The following KDM2B variants were observed in gnomAD, a reference collection of about 807,000 sequenced individuals.
KDM2B encodes the protein lysine-specific demethylase 2B.
In KDM2B, 26 loss-of-function variants were observed where a neutral mutation model predicts 150.0. That is an observed-to-expected ratio of 0.17 (90% CI 0.13 to 0.24). KDM2B has a LOEUF of 0.24. KDM2B is among the 10% of genes least tolerant of loss of function. KDM2B has a pLI of 1.00. For synonymous variants in KDM2B, 734 were observed against 729.5 expected, an observed-to-expected ratio of 1.01 and a Z score of -0.10; for missense variants, 1,265 against 1,816.9, an observed-to-expected ratio of 0.70 and a Z score of 5.52.
chr12:121,516,358 A>G (rs1886190429), intron 9 of KDM2B: 5 of 599,794 alleles, frequency 8.3e-6, no homozygotes, highest in African/African-American at 2.0e-5. Context: ...AATGGAAACC[A>G]GCTGGGTGAA....
intron 11 of KDM2B, among the ~76,000 whole-genome samples, chr12:121,506,765 C>T (rs1885106595): frequency 6.6e-6 from 1 of 152,078 alleles, no homozygotes; most frequent in Admixed American, 6.6e-5. Context: ...TGAAGAAAAC[C>T]CATCTCTACT....
At chr12:121,492,747 T>A (rs1883491730) in intron 12 of KDM2B, among the ~76,000 whole-genome samples, 1 of 150,586 alleles carries the variant, frequency 6.6e-6, no homozygotes, top group Admixed American at 6.6e-5. Context: ...GAGAATCGCT[T>A]GAACTCCGGA....
At chr12:121,419,352 G>A in the KDM2B span, among the ~76,000 whole-genome samples, 5 of 152,156 alleles carry the variant, frequency 3.3e-5, no homozygotes, top group African/African-American at 4.8e-5. Flanking sequence ...TGACAAAATC[G>A]CCTAAGGACA....
Position 121,575,934 on chromosome 12 carries a change from G to T in KDM2B, c.272-75C>A. On this transcript the variant is annotated intron_variant, in intron 2 of 22. Transcript: ENST00000377071. This position sits in a 1 kb window ranked among gnomAD's most constrained non-coding sequence, Gnocchi z 4.4. ...AATGAACCGGGATCTGTTGGTTAGGGGAAGAAAACTGATGGACGAAGGGGC... is the reference window on the plus strand; with the variant it reads ...AATGAACCGGGATCTGTTGGTTAGGTGAAGAAAACTGATGGACGAAGGGGC... 1 of 1,124,398 alleles carries T rather than the reference G, an allele frequency of 8.9e-7. No individual in the cohort carries two copies. Among genetic ancestry groups the T allele is most frequent in the Non-Finnish European group, 1.4e-6 (1 of 736,380 alleles). 69.7% of individuals were successfully genotyped at this position (1,124,398 alleles called of 1,614,324 possible).
intron 13 of KDM2B, among the ~76,000 whole-genome samples, chr12:121,449,697 G>A (rs1299454076): frequency 1.3e-5 from 2 of 152,202 alleles, no homozygotes; most frequent in Middle Eastern, 6.3e-3. Context: ...AGTTGCTATA[G>A]ACAAGCTCTT....
intron 10 of KDM2B, among the ~76,000 whole-genome samples, chr12:121,511,805 G>A (rs546983850): frequency 1.3e-5 from 2 of 152,322 alleles, no homozygotes; most frequent in South Asian, 2.1e-4. Context: ...TCAGAAAGCC[G>A]TGGTGCGGAG....
intron 8 of KDM2B, among the ~76,000 whole-genome samples, chr12:121,528,432 G>A (rs1270930536): frequency 1.3e-5 from 2 of 152,080 alleles, no homozygotes; most frequent in African/African-American, 4.8e-5. Context: ...GGTAGCGTAC[G>A]CTTGTAATCC....
At chr12:121,525,868 G>A (rs575680340) in intron 8 of KDM2B, among the ~76,000 whole-genome samples, 1 of 152,308 alleles carries the variant, frequency 6.6e-6, no homozygotes, top group Admixed American at 6.5e-5. Context: ...GCCAGCCCAA[G>A]TCACAGATCC....
rs1319826549 is a variant in KDM2B at position 121,579,653 on chromosome 12, A to G, written c.127-707T>C. The G allele has an allele frequency of 5.9e-6, 8 of 1,350,820 alleles. No homozygotes were observed. In the African/African-American group the frequency reaches 1.2e-4, roughly 20 times the overall value. 83.7% of individuals were successfully genotyped at this position (1,350,820 alleles called of 1,614,324 possible). On this transcript the variant is annotated intron_variant, in intron 1 of 22. Transcript: ENST00000377071. Reference sequence around the variant, plus strand: ...TCCCCACAAGCGCGCGCGCACACTCACTTCCTAAGGAGACTCCCCCACCAC... The same window carrying G: ...TCCCCACAAGCGCGCGCGCACACTCGCTTCCTAAGGAGACTCCCCCACCAC...
At chr12:121,495,733 C>A (rs1188835136) in intron 11 of KDM2B, among the ~76,000 whole-genome samples, 5 of 152,218 alleles carry the variant, frequency 3.3e-5, no homozygotes, top group African/African-American at 1.2e-4. Context: ...AGAGCCATGA[C>A]TCCGTCCTTT....
rs781870059 is a variant in KDM2B, at chr12:121,513,397, C to T, written c.1053G>A (p.Gln351=). 24 of 1,610,388 alleles carry T rather than the reference C, an allele frequency of 1.5e-5. No homozygotes were observed. Among genetic ancestry groups the T allele is most frequent in the Non-Finnish European group, 2.0e-5 (24 of 1,177,264 alleles). Residue 351 remains glutamine, a synonymous_variant, in exon 10 of 23, where the codon CAG becomes CAA. Coordinates refer to ENST00000377071, the MANE Select transcript of KDM2B (RefSeq NM_032590.5). The surrounding 1 kb of genome is among the most constrained non-coding windows in gnomAD (Gnocchi z 5.0). Reference sequence around the variant, plus strand: ...AGTAGAAGGGGTAACGGAATTTGGGCTGCACCTGAAAGCAAAGACGCAGGC... The same window carrying T: ...AGTAGAAGGGGTAACGGAATTTGGGTTGCACCTGAAAGCAAAGACGCAGGC... ...IYEIEDRTRV[Q]PKFRYPFYYE...
rs1555316730 is a variant in KDM2B, at chr12:121,575,478, G to C, written c.350+303C>G. On this transcript the variant is annotated intron_variant, in intron 3 of 22. Coordinates refer to ENST00000377071, the MANE Select transcript of KDM2B (RefSeq NM_032590.5). This position sits in a 1 kb window ranked among gnomAD's most constrained non-coding sequence, Gnocchi z 4.4. ...GTCTCCTGATCTGGAGCAAGGGGAA[G>C]GAGGAGAGGTACAATTCTCTGTAGG... is the stretch of plus-strand genomic sequence containing the variant. Among the ~76,000 whole-genome samples the C allele has an allele frequency of 6.6e-6, 1 of 152,242 alleles. No individual in the cohort carries two copies. Among genetic ancestry groups the C allele is most frequent in the Non-Finnish European group, 1.5e-5 (1 of 68,052 alleles).
chr12:121,449,931 G>T (rs1229968160), intron 13 of KDM2B, among the ~76,000 whole-genome samples: 3 of 152,180 alleles, frequency 2.0e-5, no homozygotes, highest in Non-Finnish European at 4.4e-5. Flanking sequence ...CAATCTACAG[G>T]ATGGAAGAAA....
intron 1 of KDM2B, 184 bp downstream of exon 1, chr12:121,580,602 G>T: frequency 1.6e-6 from 1 of 629,270 alleles, no homozygotes; most frequent in Non-Finnish European, 2.6e-6. Flanking sequence ...AGGGGGCGGG[G>T]AGGGAGGTGC....
chr12:121,426,461 T>C (rs1872518307), downstream of KDM2B, among the ~76,000 whole-genome samples: 1 of 144,326 alleles, frequency 6.9e-6, no homozygotes, highest in Admixed American at 6.8e-5. Flanking sequence ...CCTTTTTTTT[T>C]TAAAGACAGA....
intron 14 of KDM2B, 116 bp downstream of exon 14, chr12:121,445,159 T>G: frequency 7.9e-7 from 1 of 1,258,110 alleles, no homozygotes; most frequent in Non-Finnish European, 1.1e-6. Flanking sequence ...TCACCCAGAC[T>G]CAGGGGTCCT....
Position 121,452,509 on chromosome 12 carries a change from G to A in KDM2B, c.1959+611C>T, listed in dbSNP as rs570535309. On this transcript the variant is annotated intron_variant, in intron 13 of 22. Coordinates refer to ENST00000377071, the MANE Select transcript of KDM2B (RefSeq NM_032590.5). This position sits in a 1 kb window ranked among gnomAD's most constrained non-coding sequence, Gnocchi z 4.4. ...TGACTCCTCCACAGGGAGGACCGCC[G>A]GCCCCCGGGGAGCAGCGCCCTGAGG... Among the ~76,000 whole-genome samples, 2 of 152,322 alleles carry A rather than the reference G, an allele frequency of 1.3e-5. No individual in the cohort carries two copies. Among genetic ancestry groups the A allele is most frequent in the South Asian group, 4.1e-4 (2 of 4,828 alleles).
intron 4 of KDM2B, among the ~76,000 whole-genome samples, chr12:121,552,833 G>A (rs953450150): frequency 1.1e-4 from 17 of 152,176 alleles, no homozygotes; most frequent in Non-Finnish European, 1.3e-4. Context: ...GGATATTCTG[G>A]CCTTGATCTT....
At chr12:121,492,045 C>T (rs1883427200) in intron 12 of KDM2B, among the ~76,000 whole-genome samples, 1 of 151,974 alleles carries the variant, frequency 6.6e-6, no homozygotes, top group African/African-American at 2.4e-5. Context: ...GTGGTCCCAG[C>T]TACTCGGGAG....
Sources: allele counts gnomAD v4.1 joint callset (sites outside exome capture counted in the v4.1 genomes callset), GRCh38; gene constraint gnomAD v4.1.1; non-coding constraint Gnocchi (gnomAD v3.1); transcripts MANE v1.5; gene names NCBI Gene and HGNC (gene_info 2026-07-23, HGNC 2026-07-21).